Variants in TRAF3 observed in about 807,000 individuals in gnomAD.
TRAF3 encodes TNF receptor-associated factor 3.
In TRAF3, 13 loss-of-function variants were observed where a neutral mutation model predicts 62.3. The observed-to-expected ratio is 0.21, with a 90% CI of 0.14 to 0.33. The LOEUF (loss-of-function observed/expected upper bound fraction) is 0.33. Among genes scored for constraint, TRAF3 ranks in the 10% least tolerant of loss-of-function variants. The pLI, the probability that TRAF3 is intolerant of heterozygous loss-of-function variation, is 1.00. For missense variants in TRAF3, 440 were observed against 741.8 expected (o/e 0.59, Z 4.73); for synonymous variants, 269 against 283.4 (o/e 0.95, Z 0.51).
chr14:102,909,906 T>C lies in TRAF3; in HGVS notation c.*4122T>C, dbSNP rs1472314316. On this transcript the variant is annotated 3_prime_UTR_variant, in exon 12 of 12. Transcript: ENST00000392745. The stretch of plus-strand genomic sequence containing the variant: ...ACCCACATCCTACAGCCAGAGGTGA[T>C]GTTGGACAAAGGAAGGGGAGTCTGG... 6.6e-6 allele frequency: 1 copy of C among 152,266 alleles called. No homozygotes were observed. The highest frequency in any genetic ancestry group is 1.5e-5 in the Non-Finnish European group (1 of 68,066). 9.4% of individuals were successfully genotyped at this position (152,266 alleles called of 1,614,324 possible).
intron 10 of TRAF3, among the ~76,000 whole-genome samples, chr14:102,898,483 G>A (rs1438673861): frequency 6.6e-6 from 1 of 152,224 alleles, no homozygotes; most frequent in Non-Finnish European, 1.5e-5. Flanking sequence ...GGCCACTGCT[G>A]CGGGGCCCTG....
At chr14:102,879,509 T>G (rs1888919472) in intron 6 of TRAF3, among the ~76,000 whole-genome samples, 1 of 151,978 alleles carries the variant, frequency 6.6e-6, no homozygotes, top group Non-Finnish European at 1.5e-5. Flanking sequence ...TCTGCCCACC[T>G]CAGCCTCCCA....
chr14:102,836,535 G>T (rs1289476308), intron 2 of TRAF3, among the ~76,000 whole-genome samples: 1 of 152,172 alleles, frequency 6.6e-6, no homozygotes, highest in Non-Finnish European at 1.5e-5. Flanking sequence ...TATTTGAAAG[G>T]CCGCTTAGAT....
Position 102,783,147 on chromosome 14 carries a change from G to A in TRAF3, c.-157+5472G>A, listed in dbSNP as rs116488056. On this transcript the variant is annotated intron_variant, in intron 1 of 11. Transcript: ENST00000392745. ...TGTTTGTGTCCAGATTCTGCAAGCCGGGGAGACAGGAGGGATGTGCCAGAT... is the reference window on the plus strand; with the variant it reads ...TGTTTGTGTCCAGATTCTGCAAGCCAGGGAGACAGGAGGGATGTGCCAGAT... 3.5e-3 allele frequency among the ~76,000 whole-genome samples: 540 copies of A among 152,274 alleles called. 4 individuals carry two copies. Among genetic ancestry groups the A allele is most frequent in the African/African-American group, 0.013 (529 of 41,540 alleles).
intron 1 of TRAF3, among the ~76,000 whole-genome samples, chr14:102,784,928 G>A (rs1897423399): frequency 6.6e-6 from 1 of 152,144 alleles, no homozygotes; most frequent in African/African-American, 2.4e-5. Flanking sequence ...TCCTTCAGGG[G>A]AGAGGGTACA....
Position 102,830,314 on chromosome 14 carries a change from C to G in TRAF3, c.-156-20C>G, listed in dbSNP as rs1900599249. The stretch of plus-strand genomic sequence containing the variant: ...CCTCAGTTAAGAATCTTTGTCTAAT[C>G]CAATCCCTTTATTTTACAGATGAGG... On this transcript the variant is annotated intron_variant, in intron 1 of 11. Coordinates refer to ENST00000392745, the MANE Select transcript of TRAF3 (RefSeq NM_145725.3). The G allele has an allele frequency of 6.6e-6, 1 of 152,386 alleles. No individual in the cohort carries two copies. Among genetic ancestry groups the G allele is most frequent in the South Asian group, 2.1e-4 (1 of 4,830 alleles). 9.4% of individuals were successfully genotyped at this position (152,386 alleles called of 1,614,324 possible).
chr14:102,827,412 A>G (rs553546195), intron 1 of TRAF3, among the ~76,000 whole-genome samples: 2 of 152,350 alleles, frequency 1.3e-5, no homozygotes, highest in Admixed American at 6.5e-5. Flanking sequence ...GCATAATTGG[A>G]TATCTTGGGG....
At chr14:102,807,650 G>A (rs903185527) in intron 1 of TRAF3, among the ~76,000 whole-genome samples, 7 of 152,148 alleles carry the variant, frequency 4.6e-5, no homozygotes, top group African/African-American at 1.7e-4. Flanking sequence ...TGGGGTTTTT[G>A]TGTAGGGGAT....
Position 102,903,246 on chromosome 14 carries a change from G to C in TRAF3, c.961-9G>C. 1 of 1,614,170 alleles carries C rather than the reference G, an allele frequency of 6.2e-7. No individual in the cohort carries two copies. The highest frequency in any genetic ancestry group is 8.5e-7 in the Non-Finnish European group (1 of 1,180,046). ...TGTGTTTTGCTTTTTAACACCTTTG[G>C]TTTGGAAGCGAGTGATAGACAGCCA... On this transcript the variant is annotated splice_polypyrimidine_tract_variant and intron_variant, in intron 10 of 11. Coordinates refer to ENST00000392745, the MANE Select transcript of TRAF3 (RefSeq NM_145725.3). The surrounding 1 kb of genome is among the most constrained non-coding windows in gnomAD (Gnocchi z 6.4).
At chr14:102,874,355 C>T (rs1888519759) in intron 4 of TRAF3, among the ~76,000 whole-genome samples, 1 of 152,160 alleles carries the variant, frequency 6.6e-6, no homozygotes, top group Admixed American at 6.5e-5. Flanking sequence ...CTCCCGGGTT[C>T]AAGCGATTCC....
At chr14:102,777,837 G>C (rs1897086468) in intron 1 of TRAF3, among the ~76,000 whole-genome samples, 162 bp downstream of exon 1, 2 of 146,340 alleles carry the variant, frequency 1.4e-5, no homozygotes, top group African/African-American at 4.9e-5. Context: ...CGGCGACGGC[G>C]GGGCGCGGCT....
At chr14:102,881,258 C>T (rs1486358145) in intron 6 of TRAF3, among the ~76,000 whole-genome samples, 1 of 152,088 alleles carries the variant, frequency 6.6e-6, no homozygotes, top group African/African-American at 2.4e-5. Context: ...GTAACACATG[C>T]CTGTAATCCC....
intron 2 of TRAF3, 41 bp from the exon 3 acceptor site, chr14:102,870,144 A>G (rs1888247483): frequency 2.5e-6 from 4 of 1,613,642 alleles, no homozygotes; most frequent in Admixed American, 1.7e-5. Context: ...GTTTCCTTGC[A>G]TGAGAGGATA....
intron 2 of TRAF3, among the ~76,000 whole-genome samples, chr14:102,850,587 AGGAGGC>A (rs1886973184): frequency 6.7e-6 from 1 of 150,240 alleles, no homozygotes; most frequent in African/African-American, 2.5e-5. Flanking sequence ...CCAGCTACTC[AGGAGGC>A]TGAGGCAGGA....
At chr14:102,862,542 T>TTC (rs982996468) in intron 2 of TRAF3, among the ~76,000 whole-genome samples, 2 of 152,186 alleles carry the variant, frequency 1.3e-5, no homozygotes, top group African/African-American at 4.8e-5. Context: ...GAAGAGTCAC[T>TTC]TCTCTCTTGC....
At chr14:102,781,193 G>A (rs1897261815) in intron 1 of TRAF3, among the ~76,000 whole-genome samples, 1 of 152,178 alleles carries the variant, frequency 6.6e-6, no homozygotes, top group Non-Finnish European at 1.5e-5. Flanking sequence ...CTCCCACTTT[G>A]TTTTGGTAAG....
chr14:102,777,960 A>C (rs1372971155), intron 1 of TRAF3, among the ~76,000 whole-genome samples: 6 of 149,782 alleles, frequency 4.0e-5, no homozygotes, highest in Non-Finnish European at 8.9e-5. Flanking sequence ...GGGCGCCCGC[A>C]CCTTTTCAGG....
chr14:102,846,006 A>G (rs1566771636), intron 2 of TRAF3, among the ~76,000 whole-genome samples: 4 of 92,246 alleles, frequency 4.3e-5, no homozygotes. Flanking sequence ...AAAAAAAAAA[A>G]AAATACTATT....
At chr14:102,871,605 C>T (rs570559416) in intron 3 of TRAF3, among the ~76,000 whole-genome samples, 19 of 152,262 alleles carry the variant, frequency 1.2e-4, no homozygotes, top group African/African-American at 4.3e-4. Context: ...AAGAGCTGCT[C>T]TGCAGACAGC....
Sources: gnomAD v4.1 joint callset for allele counts (sites outside exome capture counted in the v4.1 genomes callset) on GRCh38, gnomAD v4.1.1 for gene constraint, Gnocchi (gnomAD v3.1) non-coding constraint, MANE v1.5 for transcripts, NCBI Gene and HGNC (gene_info 2026-07-23, HGNC 2026-07-21) for gene names.